The following SPRED2 variants were observed in gnomAD, a reference collection of about 807,000 sequenced individuals.
The protein encoded by SPRED2 is sprouty-related, EVH1 domain-containing protein 2.
SPRED2 carries 47 observed loss-of-function variants against 43.0 expected under a neutral mutation model. The ratio of observed to expected loss-of-function variants is 1.09; its 90% CI spans 0.87 to 1.40. The LOEUF is 1.40. Among genes scored for constraint, SPRED2 ranks in the 40% most tolerant of loss-of-function variants. The probability of loss-of-function intolerance (pLI) is 0.00; values close to 1 mark genes in which losing one functional copy is unlikely to be tolerated. For synonymous variants in SPRED2, 225 were observed against 225.7 expected (o/e 1.00, Z 0.03); for missense variants, 561 against 586.4 (o/e 0.96, Z 0.45).
intron 1 of SPRED2, among the ~76,000 whole-genome samples, chr2:65,426,294 TTA>T (rs140758615): frequency 4.0e-5 from 6 of 151,210 alleles, no homozygotes; most frequent in African/African-American, 7.3e-5. Flanking sequence ...CTCAGGAGGC[TTA>T]TATATATATA....
chr2:65,327,817 A>G (rs1346020914), intron 4 of SPRED2, among the ~76,000 whole-genome samples: 12 of 133,006 alleles, frequency 9.0e-5, no homozygotes, highest in Non-Finnish European at 1.4e-4. Flanking sequence ...TCCGCCTTCC[A>G]GGTTCAAGCG....
downstream of SPRED2, among the ~76,000 whole-genome samples, chr2:65,310,458 TACAC>T (rs55916427): frequency 0.078 from 10,748 of 137,766 alleles, 587 homozygotes; most frequent in Admixed American, 0.15. Flanking sequence ...TCCTCCAAAC[TACAC>T]ACACACACAC....
intron 2 of SPRED2, among the ~76,000 whole-genome samples, chr2:65,340,547 T>G (rs910619214): frequency 3.3e-5 from 5 of 152,304 alleles, no homozygotes; most frequent in Non-Finnish European, 5.9e-5. Context: ...GTTTCAGGAG[T>G]AAACTCCTCT....
Position 65,432,045 on chromosome 2 carries a change from C to T in SPRED2, c.-58G>A. 1.9e-6 allele frequency: 3 copies of T among 1,609,426 alleles called. No individual in the cohort carries two copies. Among genetic ancestry groups the T allele is most frequent in the Non-Finnish European group, 2.5e-6 (3 of 1,177,192 alleles). On this transcript the variant is annotated 5_prime_UTR_variant, in exon 1 of 6. Coordinates refer to ENST00000356388, the MANE Select transcript of SPRED2 (RefSeq NM_181784.3). ...GGGCAGCTTTGCTCCCTTCATCTTC[C>T]TGTCCGCTCGCCCCCCTTCTTCACA...
chr2:65,376,271 C>T (rs12623455), intron 1 of SPRED2, among the ~76,000 whole-genome samples: 24,579 of 152,154 alleles, frequency 0.16, 2,375 homozygotes, highest in Non-Finnish European at 0.2. Flanking sequence ...TTATCTGTTG[C>T]TGAGGAAAGC....
At chr2:65,310,443 A>G (rs892978289), downstream of SPRED2, among the ~76,000 whole-genome samples, 12 of 145,276 alleles carry the variant, frequency 8.3e-5, no homozygotes, top group African/African-American at 3.0e-4. Flanking sequence ...TTCTGCGAGA[A>G]ATTGTCCTCC....
intron 1 of SPRED2, among the ~76,000 whole-genome samples, chr2:65,385,311 G>C (rs1439885464): frequency 6.6e-6 from 1 of 152,060 alleles, no homozygotes; most frequent in African/African-American, 2.4e-5. Flanking sequence ...AGCCTCTTAT[G>C]ACCTTGCTGA....
At chr2:65,365,545 G>A (rs1477986542) in intron 1 of SPRED2, among the ~76,000 whole-genome samples, 3 of 152,176 alleles carry the variant, frequency 2.0e-5, no homozygotes, top group African/African-American at 7.2e-5. Context: ...TCTGTTTAAT[G>A]CTCTCTGAGT....
intron 5 of SPRED2, 84 bp from the exon 6 acceptor site, chr2:65,314,253 T>A: frequency 1.5e-6 from 2 of 1,343,708 alleles, no homozygotes; most frequent in Non-Finnish European, 2.0e-6. Flanking sequence ...TCTCCCTCCC[T>A]AGCCGTCCAA....
In SPRED2 at chr2:65,316,870, C is replaced by T. The variant is rs762409595; in HGVS notation, c.452G>A (p.Ser151Asn). ...DDDVFTTATD[S>N]SSNSSQKREQ... ...TCTCTTCTGAGAGGAATTAGAAGAA[C>T]TGTCTGTAGCTGTCTGTGTAGAGGG... Residue 151 changes from serine (S) to asparagine (N), a missense_variant, in exon 5 of 6, where the codon AGT becomes AAT. By Grantham distance (46) the Ser-to-Asn change is conservative. Coordinates refer to ENST00000356388, the MANE Select transcript of SPRED2 (RefSeq NM_181784.3). 1 of 1,613,726 alleles carries T rather than the reference C, an allele frequency of 6.2e-7. No homozygotes were observed. The highest frequency in any genetic ancestry group is 8.5e-7 in the Non-Finnish European group (1 of 1,179,930).
intron 1 of SPRED2, among the ~76,000 whole-genome samples, chr2:65,417,059 C>T (rs1047147922): frequency 6.6e-6 from 1 of 152,160 alleles, no homozygotes; most frequent in Non-Finnish European, 1.5e-5. Context: ...GCACAGAGTT[C>T]TCACAACAAT....
At chr2:65,344,947 G>T (rs1204721242) in intron 1 of SPRED2, 51 bp from the exon 2 acceptor site, 3 of 1,534,832 alleles carry the variant, frequency 2.0e-6, no homozygotes, top group Non-Finnish European at 2.7e-6. Flanking sequence ...TCTGGTAGTT[G>T]CAGAACACGT....
At chr2:65,407,363 GGT>G (rs146254454) in intron 1 of SPRED2, among the ~76,000 whole-genome samples, 2 of 150,804 alleles carry the variant, frequency 1.3e-5, no homozygotes, top group Non-Finnish European at 3.0e-5. Flanking sequence ...GGTGGCTGCA[GGT>G]GTGTGTGTGT....
chr2:65,384,062 A>C (rs1305491591), intron 1 of SPRED2, among the ~76,000 whole-genome samples: 1 of 151,628 alleles, frequency 6.6e-6, no homozygotes, highest in African/African-American at 2.4e-5. Context: ...TGGCTGAGGG[A>C]CTTCTTTCTC....
chr2:65,385,221 C>A (rs904659727), intron 1 of SPRED2, among the ~76,000 whole-genome samples: 9 of 152,200 alleles, frequency 5.9e-5, no homozygotes, highest in Non-Finnish European at 1.3e-4. Context: ...ATCCGCCTGC[C>A]TTGGCCTCCC....
chr2:65,395,263 G>T (rs1482490374), intron 1 of SPRED2, among the ~76,000 whole-genome samples: 1 of 152,134 alleles, frequency 6.6e-6, no homozygotes, highest in Non-Finnish European at 1.5e-5. Flanking sequence ...TCTATCACTA[G>T]GTCCAGCCCT....
chr2:65,356,489 T>C (rs1674648382), intron 1 of SPRED2, among the ~76,000 whole-genome samples: 3 of 148,854 alleles, frequency 2.0e-5, no homozygotes, highest in Admixed American at 2.0e-4. Context: ...AAACAGAATC[T>C]GATTACTTTT....
intron 1 of SPRED2, among the ~76,000 whole-genome samples, chr2:65,367,570 G>C (rs774976254): frequency 6.6e-6 from 1 of 152,182 alleles, no homozygotes; most frequent in Non-Finnish European, 1.5e-5. Flanking sequence ...GAGTGTGGGA[G>C]CTGAACTTGA....
At position 65,357,516 on chromosome 2, in the gene SPRED2, T is replaced by C. The variant is rs184963278; in HGVS notation, c.27-12620A>G. On this transcript the variant is annotated intron_variant, in intron 1 of 5. Coordinates refer to ENST00000356388, the MANE Select transcript of SPRED2 (RefSeq NM_181784.3). Reference sequence around the variant, plus strand: ...GACAGATAAAGGACTAAGATCAGTCTCTGTGACAACCCCCGATCACACTTT... The same window carrying C: ...GACAGATAAAGGACTAAGATCAGTCCCTGTGACAACCCCCGATCACACTTT... Among the ~76,000 whole-genome samples the C allele has an allele frequency of 2.8e-3, 421 of 152,350 alleles. 4 individuals are homozygous for C. The highest frequency in any genetic ancestry group is 0.014 in the Middle Eastern group (4 of 294).
Sources: gnomAD v4.1 joint callset for allele counts (sites outside exome capture counted in the v4.1 genomes callset) on GRCh38, gnomAD v4.1.1 for gene constraint, MANE v1.5 for transcripts, NCBI Gene and HGNC (gene_info 2026-07-23, HGNC 2026-07-21) for gene names.